NLGN1: variants seen among roughly 807,000 people sequenced by gnomAD.
NLGN1 encodes neuroligin 1.
Under a neutral mutation model 65.5 loss-of-function variants are expected in NLGN1, and 12 were observed. The observed-to-expected ratio is 0.18, with a 90% CI of 0.12 to 0.30. The LOEUF (loss-of-function observed/expected upper bound fraction) is 0.30. Among genes scored for constraint, NLGN1 ranks in the 10% least tolerant of loss-of-function variants. NLGN1 has a pLI of 1.00. For synonymous variants in NLGN1, 350 were observed against 359.5 expected (o/e 0.97, Z 0.30); for missense variants, 750 against 1,007.1 (o/e 0.74, Z 3.46).
chr3:173,802,146 T>A (rs1463605435), intron 3 of NLGN1, among the ~76,000 whole-genome samples: 1 of 152,180 alleles, frequency 6.6e-6, no homozygotes, highest in Non-Finnish European at 1.5e-5. Context: ...TAATGTGATT[T>A]TTTTTTTCCT....
chr3:173,627,682 C>T (rs1660909469), intron 3 of NLGN1, among the ~76,000 whole-genome samples: 1 of 152,026 alleles, frequency 6.6e-6, no homozygotes, highest in Non-Finnish European at 1.5e-5. Context: ...CATATTATCC[C>T]TAGAGCCCAA....
chr3:174,225,807 A>C (rs893268570), intron 4 of NLGN1, among the ~76,000 whole-genome samples: 3 of 152,076 alleles, frequency 2.0e-5, no homozygotes, highest in Non-Finnish European at 4.4e-5. Flanking sequence ...TTTATAATTA[A>C]GACCATGAAG....
At chr3:174,268,710 A>AAAT (rs1298895422) in intron 4 of NLGN1, among the ~76,000 whole-genome samples, 1 of 152,112 alleles carries the variant, frequency 6.6e-6, no homozygotes, top group Non-Finnish European at 1.5e-5. Context: ...CAAACCAAAG[A>AAAT]AATAGCTATA....
intron 1 of NLGN1, among the ~76,000 whole-genome samples, chr3:173,430,607 T>C (rs1281776042): frequency 6.6e-6 from 1 of 152,230 alleles, no homozygotes; most frequent in Admixed American, 6.5e-5. Flanking sequence ...TTGTCTGCTC[T>C]AAATCTCTTG....
intron 4 of NLGN1, among the ~76,000 whole-genome samples, chr3:174,265,732 A>T (rs1285423512): frequency 6.7e-6 from 1 of 148,334 alleles, no homozygotes; most frequent in Admixed American, 6.7e-5. Context: ...TGTATAACAA[A>T]ATACTCTTAC....
intron 4 of NLGN1, among the ~76,000 whole-genome samples, chr3:174,191,603 G>A (rs534252208): frequency 6.6e-6 from 1 of 152,272 alleles, no homozygotes; most frequent in East Asian, 1.9e-4. Context: ...GTTTGATGGT[G>A]TGCCTGTGCT....
chr3:173,807,849 T>C lies in NLGN1; in HGVS notation c.646+17T>C. ...GAGTACTCGGTAAGAAGAGTCTCTC[T>C]TTTGTTTTCACCATGAATCCATGAA... On this transcript the variant is annotated intron_variant, in intron 4 of 6. Coordinates refer to ENST00000457714, the Ensembl canonical transcript of NLGN1. 1 of 1,609,664 alleles carries C rather than the reference T, an allele frequency of 6.2e-7. No homozygotes were observed. The highest frequency in any genetic ancestry group is 1.3e-5 in the African/African-American group (1 of 74,954).
intron 4 of NLGN1, among the ~76,000 whole-genome samples, chr3:174,011,441 A>G (rs1022762696): frequency 2.0e-5 from 3 of 152,200 alleles, no homozygotes; most frequent in Non-Finnish European, 4.4e-5. Flanking sequence ...AGAAAAAGAA[A>G]AGTATCTATA....
chr3:173,978,179 C>T (rs1717939926), intron 4 of NLGN1, among the ~76,000 whole-genome samples: 1 of 152,136 alleles, frequency 6.6e-6, no homozygotes, highest in African/African-American at 2.4e-5. Context: ...ATCAGTCTGA[C>T]TTCATTTAAG....
At chr3:174,265,154 A>G in intron 4 of NLGN1, among the ~76,000 whole-genome samples, 1 of 151,740 alleles carries the variant, frequency 6.6e-6, no homozygotes, top group African/African-American at 2.4e-5. Flanking sequence ...CCCTGCCCCC[A>G]GAGGTGGAGC....
At chr3:173,532,291 A>G (rs1736707540) in intron 2 of NLGN1, among the ~76,000 whole-genome samples, 1 of 152,186 alleles carries the variant, frequency 6.6e-6, no homozygotes, top group African/African-American at 2.4e-5. Context: ...GTTAAAGAAA[A>G]CCATATATAT....
rs368695944 is a variant in NLGN1 at position 174,281,100 on chromosome 3, G to A, written c.2269G>A (p.Ala757Thr). 96 of 1,613,146 alleles carry A rather than the reference G, an allele frequency of 6.0e-5. No individual in the cohort carries two copies. The highest frequency in any genetic ancestry group is 5.7e-4 in the South Asian group (52 of 91,082). ...TCCACATGAGGTGGTTCTTCGGACC[G>A]CCTGTCCCCCAGATTACACACTAGC... is the stretch of plus-strand genomic sequence containing the variant. Residue 757 changes from alanine to threonine, a missense_variant, in exon 7 of 7, where the codon GCC becomes ACC. Coordinates refer to ENST00000457714, the Ensembl canonical transcript of NLGN1.
At chr3:173,963,461 C>T (rs1218557426) in intron 4 of NLGN1, among the ~76,000 whole-genome samples, 5 of 152,050 alleles carry the variant, frequency 3.3e-5, no homozygotes, top group Admixed American at 6.6e-5. Flanking sequence ...TCTGCCTACC[C>T]GTTCTATGTA....
intron 4 of NLGN1, among the ~76,000 whole-genome samples, chr3:173,996,765 G>A (rs1047404615): frequency 8.5e-5 from 13 of 152,198 alleles, no homozygotes; most frequent in African/African-American, 2.9e-4. Context: ...CTGAATCAAG[G>A]GGAAATTATA....
intron 4 of NLGN1, among the ~76,000 whole-genome samples, chr3:173,952,873 G>A (rs528747023): frequency 6.6e-6 from 1 of 151,126 alleles, no homozygotes; most frequent in Non-Finnish European, 1.5e-5. Flanking sequence ...CACCTCCCAA[G>A]TTCAAGCGAT....
chr3:173,829,940 C>A (rs1481542852), intron 4 of NLGN1, among the ~76,000 whole-genome samples: 3 of 147,884 alleles, frequency 2.0e-5, no homozygotes, highest in African/African-American at 7.6e-5. Context: ...TCCAAACGTG[C>A]CCTGTTGAGT....
chr3:173,537,312 G>A (rs2149206319), intron 2 of NLGN1, among the ~76,000 whole-genome samples: 1 of 152,220 alleles, frequency 6.6e-6, no homozygotes, highest in Admixed American at 6.5e-5. Flanking sequence ...TATTATACAA[G>A]TCTCCTGCAC....
At chr3:173,969,364 C>A (rs1344293862) in intron 4 of NLGN1, among the ~76,000 whole-genome samples, 1 of 151,944 alleles carries the variant, frequency 6.6e-6, no homozygotes, top group Non-Finnish European at 1.5e-5. Context: ...TAAATTTCTA[C>A]AAAGGGTATT....
chr3:174,038,541 A>C (rs1731615714), intron 4 of NLGN1, among the ~76,000 whole-genome samples: 2 of 152,154 alleles, frequency 1.3e-5, no homozygotes, highest in African/African-American at 4.8e-5. Flanking sequence ...TGCATACTAA[A>C]AATAAAGTTT....
Sources: gnomAD v4.1 joint callset for allele counts (sites outside exome capture counted in the v4.1 genomes callset) on GRCh38, gnomAD v4.1.1 for gene constraint, MANE v1.5 for transcripts, NCBI Gene and HGNC (gene_info 2026-07-23, HGNC 2026-07-21) for gene names.